Variants in KLC1 observed in about 807,000 individuals in gnomAD.
KLC1 encodes the protein kinesin 2 60/70kDa.
KLC1 carries 30 observed loss-of-function variants against 84.2 expected under a neutral mutation model. That is an observed-to-expected ratio of 0.36 (90% CI 0.27 to 0.48). KLC1 has a LOEUF of 0.48. Among genes scored for constraint, KLC1 ranks in the 20% least tolerant of loss-of-function variants. The pLI is 0.99. For missense variants in KLC1, 499 were observed against 805.4 expected (o/e 0.62, Z 4.60); for synonymous variants, 289 against 293.3 (o/e 0.99, Z 0.15).
intron 1 of KLC1, among the ~76,000 whole-genome samples, chr14:103,638,812 A>G (rs1307293716): frequency 1.3e-5 from 2 of 151,828 alleles, no homozygotes; most frequent in Non-Finnish European, 2.9e-5. Flanking sequence ...GCGTGAGCAC[A>G]GTGGTGTGTG....
At chr14:103,689,068 GTCGCT>G (rs151224555) in intron 14 of KLC1, among the ~76,000 whole-genome samples, 7,981 of 152,152 alleles carry the variant, frequency 0.052, 237 homozygotes, top group South Asian at 0.092. Context: ...ACTGCTTGGT[GTCGCT>G]TCCTTGGAAT....
At chr14:103,667,176 A>G (rs2079933873) in intron 5 of KLC1, among the ~76,000 whole-genome samples, 1 of 151,860 alleles carries the variant, frequency 6.6e-6, no homozygotes, top group Non-Finnish European at 1.5e-5. Context: ...CAATGGCACA[A>G]TCTCAGCTCA....
At chr14:103,652,172 C>T (rs2078502210) in intron 1 of KLC1, among the ~76,000 whole-genome samples, 1 of 152,160 alleles carries the variant, frequency 6.6e-6, no homozygotes, top group Admixed American at 6.5e-5. Flanking sequence ...GTTTTATTTT[C>T]CTCCTCCTGA....
chr14:103,684,875 T>C (rs889394920), intron 13 of KLC1: 11 of 704,606 alleles, frequency 1.6e-5, no homozygotes, highest in African/African-American at 1.4e-4. Context: ...TTAATGACGA[T>C]ACGTTAGCAT....
chr14:103,691,277 G>A (rs1289748634), intron 14 of KLC1, among the ~76,000 whole-genome samples: 1 of 150,768 alleles, frequency 6.6e-6, no homozygotes, highest in Non-Finnish European at 1.5e-5. Context: ...TTGTGCCTCA[G>A]CCTCCAGAGT....
At chr14:103,699,410 C>A (rs77381814) in intron 15 of KLC1, 1 of 1,612,440 alleles carries the variant, frequency 6.2e-7, no homozygotes, top group Non-Finnish European at 8.5e-7. Flanking sequence ...GCTCAGCTCA[C>A]GCAGCGTGGC....
intron 1 of KLC1, among the ~76,000 whole-genome samples, chr14:103,643,788 C>T (rs2077676139): frequency 6.6e-6 from 1 of 151,806 alleles, no homozygotes; most frequent in Non-Finnish European, 1.5e-5. Flanking sequence ...ATTAGCCTGG[C>T]GTGGTGGTGC....
intron 15 of KLC1, chr14:103,698,482 G>A (rs1261757904): frequency 1.2e-5 from 5 of 418,398 alleles, no homozygotes; most frequent in Admixed American, 3.7e-5. Flanking sequence ...GCGGCTCCCA[G>A]GGAGTCACTG....
intron 2 of KLC1, among the ~76,000 whole-genome samples, chr14:103,656,068 T>C (rs1429755159): frequency 6.6e-6 from 1 of 152,216 alleles, no homozygotes; most frequent in Non-Finnish European, 1.5e-5. Flanking sequence ...GCAGCCTGTC[T>C]TGGGGACTGA....
chr14:103,689,284 C>T (rs2081956913), intron 14 of KLC1, among the ~76,000 whole-genome samples: 1 of 152,168 alleles, frequency 6.6e-6, no homozygotes, highest in Non-Finnish European at 1.5e-5. Flanking sequence ...CATGACAGCT[C>T]TCAGAGTTGT....
At chr14:103,698,782 T>C in intron 15 of KLC1, 1 of 1,578,168 alleles carries the variant, frequency 6.3e-7, no homozygotes, top group Non-Finnish European at 8.6e-7. Context: ...AGGGCTGTTG[T>C]GCAGCCGCCA....
chr14:103,699,515 C>T lies in KLC1; in HGVS notation c.1849-1140C>T, dbSNP rs1219993160. The T allele has an allele frequency of 6.8e-6, 11 of 1,612,996 alleles. No homozygotes were observed. Among genetic ancestry groups the T allele is most frequent in the Admixed American group, 5.0e-5 (3 of 59,994 alleles). On this transcript the variant is annotated intron_variant, in intron 15 of 16. Transcript: ENST00000334553. ...TGCCACCGAGTCGATGACCACCAGG[C>T]GAGCCATGCCCCGAGACAGCAGTAC...
intron 9 of KLC1, among the ~76,000 whole-genome samples, chr14:103,673,798 C>T (rs750976305): frequency 4.6e-5 from 7 of 152,106 alleles, no homozygotes; most frequent in Non-Finnish European, 7.3e-5. Flanking sequence ...TGGCGGCCGC[C>T]TGTAGTCCCA....
At chr14:103,687,012 C>T (rs929871756) in intron 13 of KLC1, 69 bp from the exon 14 acceptor site, 1 of 1,354,650 alleles carries the variant, frequency 7.4e-7, no homozygotes, top group Non-Finnish European at 1.0e-6. Flanking sequence ...CTTATTTGCA[C>T]CCGGTGTGGC....
intron 13 of KLC1, chr14:103,686,457 T>A (rs1243026995): frequency 6.5e-6 from 1 of 154,360 alleles, no homozygotes; most frequent in Non-Finnish European, 1.4e-5. Context: ...AGATGAGAGC[T>A]GGGCACTCTC....
Position 103,657,410 on chromosome 14 carries a change from G to A in KLC1, c.262-136G>A, listed in dbSNP as rs909103683. On this transcript the variant is annotated intron_variant, in intron 2 of 16. Coordinates refer to ENST00000334553, the MANE Select transcript of KLC1 (RefSeq NM_001394837.1). ...AAGGGGAAAAGAGAAGTAAATGGCA[G>A]ATTGTACTTATATGTACTTTGGAGA... The A allele has an allele frequency of 1.4e-5, 9 of 635,558 alleles. No homozygotes were observed. The South Asian group carries it at 1.9e-4, about 13-fold the overall frequency. The allele number at this position is 635,558 out of a possible 1,614,324, so 39.4% of individuals were successfully genotyped here.
intron 12 of KLC1, among the ~76,000 whole-genome samples, chr14:103,677,831 C>T (rs146018069): frequency 4.0e-5 from 6 of 151,796 alleles, no homozygotes; most frequent in Non-Finnish European, 5.9e-5. Flanking sequence ...TGGTGGCACA[C>T]GCCTGTAATC....
chr14:103,666,538 G>A (rs893263299), intron 5 of KLC1, among the ~76,000 whole-genome samples: 1 of 151,762 alleles, frequency 6.6e-6, no homozygotes, highest in Non-Finnish European at 1.5e-5. Context: ...AATAGTCCCA[G>A]ACATTTTATA....
intron 7 of KLC1, among the ~76,000 whole-genome samples, 175 bp from the exon 8 acceptor site, chr14:103,672,839 A>G (rs536805559): frequency 1.6e-4 from 25 of 152,304 alleles, no homozygotes; most frequent in African/African-American, 6.0e-4. Context: ...TAAGAATTTG[A>G]GAAATTCTGG....
Sources: allele counts gnomAD v4.1 joint callset (sites outside exome capture counted in the v4.1 genomes callset), GRCh38; gene constraint gnomAD v4.1.1; transcripts MANE v1.5; gene names NCBI Gene and HGNC (gene_info 2026-07-23, HGNC 2026-07-21).